Variants in NRG3 observed in about 807,000 individuals in gnomAD.
The protein encoded by NRG3 is neuregulin 3.
NRG3 carries 31 observed loss-of-function variants against 66.9 expected under a neutral mutation model. The observed-to-expected ratio is 0.46, with a 90% CI of 0.35 to 0.63. NRG3 has a LOEUF of 0.63. Among genes scored for constraint, NRG3 ranks in the 20% least tolerant of loss-of-function variants. The probability of loss-of-function intolerance (pLI) is 0.00; values close to 1 mark genes in which losing one functional copy is unlikely to be tolerated. For synonymous variants in NRG3, 393 were observed against 359.4 expected, an observed-to-expected ratio of 1.09 and a Z score of -1.06; for missense variants, 910 against 878.9, an observed-to-expected ratio of 1.04 and a Z score of -0.45.
At position 81,942,895 on chromosome 10, in the gene NRG3, G is replaced by A. The variant is rs151305928; in HGVS notation, c.823+66732G>A. On this transcript the variant is annotated intron_variant, in intron 1 of 8. Transcript: ENST00000372141. ...GATTAGTCTTTTGAGGATTAATAAC[G>A]AAAGAACCTAGAAACATTAATATTA... Among the ~76,000 whole-genome samples, 1,138 of 152,228 alleles carry A rather than the reference G, an allele frequency of 7.5e-3. 5 individuals are homozygous for A. The highest frequency in any genetic ancestry group is 0.023 in the Admixed American group (348 of 15,268).
intron 6 of NRG3, among the ~76,000 whole-genome samples, chr10:82,966,827 G>A (rs1039215724): frequency 5.3e-5 from 8 of 151,732 alleles, no homozygotes; most frequent in South Asian, 4.1e-4. Flanking sequence ...ACTATGTTAC[G>A]TTCTCATCAG....
At chr10:82,015,422 G>A (rs1018364391) in intron 1 of NRG3, among the ~76,000 whole-genome samples, 6 of 152,078 alleles carry the variant, frequency 3.9e-5, no homozygotes, top group African/African-American at 1.4e-4. Context: ...CAATATGATT[G>A]GGCTTTGTGT....
At chr10:82,695,474 GAA>G (rs769121013) in intron 2 of NRG3, among the ~76,000 whole-genome samples, 66 of 152,080 alleles carry the variant, frequency 4.3e-4, no homozygotes, top group Middle Eastern at 3.4e-3. Context: ...TGTTAAGAGA[GAA>G]AAACTGGATA....
intron 3 of NRG3, among the ~76,000 whole-genome samples, chr10:82,865,065 A>C (rs472696): frequency 1.3e-5 from 2 of 152,034 alleles, no homozygotes; most frequent in African/African-American, 4.8e-5. Flanking sequence ...AATATTATGC[A>C]TTCTGAAAAG....
intron 2 of NRG3, among the ~76,000 whole-genome samples, chr10:82,571,621 T>A (rs1007233345): frequency 6.6e-6 from 1 of 151,748 alleles, no homozygotes; most frequent in Non-Finnish European, 1.5e-5. Context: ...CCCTTTGAAC[T>A]ATCAAACAAA....
intron 1 of NRG3, among the ~76,000 whole-genome samples, chr10:82,182,814 GT>G (rs1351955425): frequency 6.6e-6 from 1 of 151,860 alleles, no homozygotes; most frequent in African/African-American, 2.4e-5. Context: ...TGTAGGGCAG[GT>G]CTAGTGGAGT....
chr10:82,022,484 G>A (rs1435580879), intron 1 of NRG3, among the ~76,000 whole-genome samples: 1 of 152,070 alleles, frequency 6.6e-6, no homozygotes, highest in Non-Finnish European at 1.5e-5. Flanking sequence ...AGAATAGTTT[G>A]ATATTTACTA....
At chr10:82,361,304 A>C (rs2084123637) in intron 2 of NRG3, among the ~76,000 whole-genome samples, 1 of 152,350 alleles carries the variant, frequency 6.6e-6, no homozygotes. Flanking sequence ...GACTCACAAC[A>C]TAGCTAATCA....
At chr10:82,360,403 A>G (rs1002760970) in intron 2 of NRG3, among the ~76,000 whole-genome samples, 5 of 152,190 alleles carry the variant, frequency 3.3e-5, no homozygotes, top group East Asian at 1.9e-4. Context: ...AATGCAATCA[A>G]TTATGTTTGA....
At position 82,292,897 on chromosome 10, in the gene NRG3, A is replaced by G. The variant is rs182750283; in HGVS notation, c.824-65842A>G. On this transcript the variant is annotated intron_variant, in intron 1 of 8. Coordinates refer to ENST00000372141, the MANE Select transcript of NRG3 (RefSeq NM_001010848.4). ...TAAGAGGGATCCTTATGGTGAAGGAATATTCTGCATCTTGAGGGTGTCAAT... is the reference window on the plus strand; with the variant it reads ...TAAGAGGGATCCTTATGGTGAAGGAGTATTCTGCATCTTGAGGGTGTCAAT... 2.6e-3 allele frequency among the ~76,000 whole-genome samples: 389 copies of G among 152,254 alleles called. 2 individuals are homozygous for G. The highest frequency in any genetic ancestry group is 0.015 in the South Asian group (71 of 4,816).
Position 82,699,255 on chromosome 10 carries a change from GGAA to G in NRG3, c.954-39320_954-39318del, listed in dbSNP as rs1297831979. Among the ~76,000 whole-genome samples the G allele has an allele frequency of 4.4e-5, 3 of 68,438 alleles. No individual in the cohort carries two copies. The East Asian group carries it at 1.1e-3, about 25-fold the overall frequency. The allele number at this position is 68,438 out of a possible 152,430, so 44.9% of individuals were successfully genotyped here. A position where few individuals can be genotyped will look rare whatever the true frequency, so the allele number is the denominator to read the frequency against. On this transcript the variant is annotated intron_variant, in intron 2 of 8. Coordinates refer to ENST00000372141, the MANE Select transcript of NRG3 (RefSeq NM_001010848.4). ...GAAAATAAAAGAAGGAAAGAGGGAA[GGAA>G]GGAAGGAAGGAAGGAAGGAAGCAAG...
intron 1 of NRG3, among the ~76,000 whole-genome samples, chr10:82,106,459 T>C (rs1261175812): frequency 2.0e-5 from 3 of 152,170 alleles, no homozygotes; most frequent in Non-Finnish European, 4.4e-5. Context: ...TTAGGCTAGT[T>C]GTTAAGCTCA....
At chr10:82,342,517 T>G (rs1589779391) in intron 1 of NRG3, among the ~76,000 whole-genome samples, 1 of 152,116 alleles carries the variant, frequency 6.6e-6, no homozygotes, top group South Asian at 2.1e-4. Flanking sequence ...ATCTGATGAT[T>G]AATGATGTTG....
chr10:81,947,706 C>A (rs1465273911), intron 1 of NRG3, among the ~76,000 whole-genome samples: 1 of 151,866 alleles, frequency 6.6e-6, no homozygotes, highest in Non-Finnish European at 1.5e-5. Flanking sequence ...TAGATTTCCA[C>A]CTTTGCACAC....
chr10:82,805,295 T>C (rs1442773147), intron 3 of NRG3, among the ~76,000 whole-genome samples: 6 of 152,172 alleles, frequency 3.9e-5, no homozygotes, highest in Non-Finnish European at 8.8e-5. Flanking sequence ...GGACATTCCT[T>C]TGATCGTATA....
At chr10:82,869,964 G>C (rs2135979518) in intron 4 of NRG3, among the ~76,000 whole-genome samples, 2 of 149,836 alleles carry the variant, frequency 1.3e-5, no homozygotes, top group Middle Eastern at 3.5e-3. Flanking sequence ...TCATATATTT[G>C]AAATAATACC....
chr10:82,066,183 A>G (rs1189847051), intron 1 of NRG3, among the ~76,000 whole-genome samples: 1 of 152,196 alleles, frequency 6.6e-6, no homozygotes, highest in Non-Finnish European at 1.5e-5. Flanking sequence ...TCTAAAAATA[A>G]CTACCATATA....
At chr10:82,984,634 AG>A in intron 8 of NRG3, 1 of 654,932 alleles carries the variant, frequency 1.5e-6, no homozygotes, top group Non-Finnish European at 2.6e-6. Context: ...GGCTTCGACT[AG>A]GGTGGCCACA....
chr10:82,543,305 T>C (rs191094037), intron 2 of NRG3, among the ~76,000 whole-genome samples: 85 of 152,308 alleles, frequency 5.6e-4, no homozygotes, highest in African/African-American at 1.9e-3. Flanking sequence ...TTTGTCATCA[T>C]TTTGTAGAAA....
Sources: gnomAD v4.1 joint callset for allele counts (sites outside exome capture counted in the v4.1 genomes callset) on GRCh38, gnomAD v4.1.1 for gene constraint, MANE v1.5 for transcripts, NCBI Gene and HGNC (gene_info 2026-07-23, HGNC 2026-07-21) for gene names.